The following TCERG1 variants were observed in gnomAD, a reference collection of about 807,000 sequenced individuals.
TCERG1 encodes TATA box binding protein (TBP)-associated factor, RNA polymerase II, S, 150kD.
Under a neutral mutation model 144.7 loss-of-function variants are expected in TCERG1, and 37 were observed. The ratio of observed to expected loss-of-function variants is 0.26; its 90% CI spans 0.20 to 0.34. TCERG1 has a LOEUF of 0.34. TCERG1 is among the 10% of genes least tolerant of loss of function. TCERG1 has a pLI of 1.00. For missense variants in TCERG1, 1,027 were observed against 1,380.7 expected, an observed-to-expected ratio of 0.74 and a Z score of 4.06; for synonymous variants, 492 against 458.2, an observed-to-expected ratio of 1.07 and a Z score of -0.94.
chr5:146,495,079 A>G (rs770797906), intron 16 of TCERG1, among the ~76,000 whole-genome samples: 1 of 151,844 alleles, frequency 6.6e-6, no homozygotes, highest in Non-Finnish European at 1.5e-5. Context: ...AAAATAAATC[A>G]GTTATCACTT....
At chr5:146,467,328 A>G (rs1480213212) in intron 5 of TCERG1, among the ~76,000 whole-genome samples, 1 of 151,882 alleles carries the variant, frequency 6.6e-6, no homozygotes, top group African/African-American at 2.4e-5. Flanking sequence ...TTTAATTTTT[A>G]TAGAGTACCA....
chr5:146,466,281 T>C (rs1049493915), intron 5 of TCERG1, among the ~76,000 whole-genome samples: 1 of 152,164 alleles, frequency 6.6e-6, no homozygotes, highest in African/African-American at 2.4e-5. Context: ...TTGTATGTAA[T>C]TTGTCTTGGA....
At chr5:146,480,665 A>ATG (rs1367120510) in intron 12 of TCERG1, 2 of 152,208 alleles carry the variant, frequency 1.3e-5, no homozygotes, top group African/African-American at 4.8e-5. Flanking sequence ...TGTATGGGGA[A>ATG]TGGGACCATT....
At chr5:146,462,803 T>C (rs913345451) in intron 4 of TCERG1, among the ~76,000 whole-genome samples, 2 of 152,214 alleles carry the variant, frequency 1.3e-5, no homozygotes, top group Non-Finnish European at 2.9e-5. Flanking sequence ...CAGGAACCTT[T>C]AGTTTGCTAT....
chr5:146,477,248 CAGGG>C (rs1764926298), intron 9 of TCERG1, among the ~76,000 whole-genome samples: 1 of 151,398 alleles, frequency 6.6e-6, no homozygotes, highest in Admixed American at 6.6e-5. Context: ...TTCTTTATCT[CAGGG>C]AGGTATAGTT....
At chr5:146,463,318 C>G (rs888799711) in intron 4 of TCERG1, among the ~76,000 whole-genome samples, 2 of 152,088 alleles carry the variant, frequency 1.3e-5, no homozygotes, top group African/African-American at 4.8e-5. Context: ...TAGAAATGTT[C>G]TTTGGGTCTT....
intron 2 of TCERG1, among the ~76,000 whole-genome samples, chr5:146,455,861 C>T (rs1480641311): frequency 6.6e-6 from 1 of 152,110 alleles, no homozygotes; most frequent in Non-Finnish European, 1.5e-5. Context: ...GGTATTTTAA[C>T]CTGGGGCATA....
chr5:146,464,181 C>T (rs1283355939), intron 5 of TCERG1, among the ~76,000 whole-genome samples: 16 of 152,140 alleles, frequency 1.1e-4, no homozygotes, highest in Non-Finnish European at 1.5e-5. Context: ...CTGTTGTAAG[C>T]ATGTTACATG....
At chr5:146,472,224 A>C (rs774388381) in intron 9 of TCERG1, among the ~76,000 whole-genome samples, 55 of 152,128 alleles carry the variant, frequency 3.6e-4, no homozygotes, top group Non-Finnish European at 7.9e-4. Flanking sequence ...TATGTCTTTC[A>C]ATCTAAGTAT....
intron 16 of TCERG1, among the ~76,000 whole-genome samples, chr5:146,495,129 A>G (rs1319862894): frequency 6.6e-6 from 1 of 152,174 alleles, no homozygotes; most frequent in Non-Finnish European, 1.5e-5. Flanking sequence ...TTTTTTCTTT[A>G]ATCATAGTTT....
At chr5:146,501,479 A>G (rs1376500748) in intron 17 of TCERG1, among the ~76,000 whole-genome samples, 2 of 152,336 alleles carry the variant, frequency 1.3e-5, no homozygotes, top group South Asian at 2.1e-4. Context: ...TCCTTACTTT[A>G]TAGGTTTCGT....
chr5:146,502,692 C>T (rs1003570391), intron 17 of TCERG1, among the ~76,000 whole-genome samples: 3 of 152,082 alleles, frequency 2.0e-5, no homozygotes, highest in African/African-American at 7.2e-5. Flanking sequence ...ATAAACATTA[C>T]ATACATGTTT....
At chr5:146,486,180 T>C (rs1479803669) in intron 15 of TCERG1, among the ~76,000 whole-genome samples, 1 of 152,244 alleles carries the variant, frequency 6.6e-6, no homozygotes, top group Non-Finnish European at 1.5e-5. Flanking sequence ...ATTTGCACTT[T>C]GTAATTTCAT....
Position 146,478,485 on chromosome 5 carries a change from A to T in TCERG1, c.1602-8A>T, listed in dbSNP as rs777334490. 2 of 1,576,756 alleles carry T rather than the reference A, an allele frequency of 1.3e-6. No homozygotes were observed. The highest frequency in any genetic ancestry group is 1.7e-6 in the Non-Finnish European group (2 of 1,168,366). On this transcript the variant is annotated splice_polypyrimidine_tract_variant and splice_region_variant and intron_variant, in intron 9 of 22. Coordinates refer to ENST00000679501, the MANE Select transcript of TCERG1 (RefSeq NM_001382548.1). The stretch of plus-strand genomic sequence containing the variant: ...CATAAGAGAATGATATTTTGCATCA[A>T]TTCTTAGGTGTGTCGTTTGGACTGG...
chr5:146,458,353 T>G (rs1324922578), intron 3 of TCERG1, among the ~76,000 whole-genome samples: 1 of 151,554 alleles, frequency 6.6e-6, no homozygotes, highest in African/African-American at 2.4e-5. Context: ...AATTTTTGTA[T>G]TTTTAGTAGA....
chr5:146,494,878 A>G (rs1276967684), intron 16 of TCERG1, among the ~76,000 whole-genome samples: 1 of 152,062 alleles, frequency 6.6e-6, no homozygotes, highest in Non-Finnish European at 1.5e-5. Flanking sequence ...TCTCCCTGTC[A>G]CTCACCACCA....
In TCERG1 at chr5:146,469,729, G is replaced by C; in HGVS notation, c.1384G>C (p.Glu462Gln). The change falls in exon 7 of 23, where the codon GAA (glutamate) becomes CAA (glutamine). Residue 462 changes from glutamate to glutamine, a missense_variant. Around this residue, in one of 6 missense-constraint regions of TCERG1, gnomAD observed 482 missense variants for 632.6 expected, o/e 0.76. Transcript: ENST00000679501. Reference sequence around the variant, plus strand: ...AGAATCAACCTGGGAAAAACCCCAAGAACTAAAGGAAAAAGGTATATAGTG... The same window carrying C: ...AGAATCAACCTGGGAAAAACCCCAACAACTAAAGGAAAAAGGTATATAGTG... ...TLESTWEKPQ[E>Q]LKEKEKLEEK... 6.2e-7 allele frequency: 1 copy of C among 1,600,782 alleles called. No individual in the cohort carries two copies. The highest frequency in any genetic ancestry group is 8.5e-7 in the Non-Finnish European group (1 of 1,174,270).
At chr5:146,487,087 C>CA (rs397831135) in intron 15 of TCERG1, among the ~76,000 whole-genome samples, 44,840 of 149,522 alleles carry the variant, frequency 0.3, 7,501 homozygotes, top group East Asian at 0.84. Flanking sequence ...GACTCTGTCT[C>CA]AAAAAAAAAG....
At chr5:146,485,155 T>C (rs987759287) in intron 15 of TCERG1, among the ~76,000 whole-genome samples, 7 of 152,190 alleles carry the variant, frequency 4.6e-5, no homozygotes, top group African/African-American at 1.4e-4. Context: ...GGCCCTGATA[T>C]TACTTGAACA....
Sources: allele counts gnomAD v4.1 joint callset (sites outside exome capture counted in the v4.1 genomes callset), GRCh38; gene constraint gnomAD v4.1.1; regional missense constraint gnomAD v4.1.1; transcripts MANE v1.5; gene names NCBI Gene and HGNC (gene_info 2026-07-23, HGNC 2026-07-21).